SLC22A23: variants seen among roughly 807,000 people sequenced by gnomAD.
SLC22A23 encodes solute carrier family 22 member 23, also known as ion transporter protein.
In SLC22A23, 26 loss-of-function variants were observed where a neutral mutation model predicts 61.0. That is an observed-to-expected ratio of 0.43 (90% CI 0.31 to 0.59). The LOEUF is 0.59. Among genes scored for constraint, SLC22A23 ranks in the 20% least tolerant of loss-of-function variants. The pLI is 0.11. For missense variants in SLC22A23, 796 were observed against 934.7 expected (o/e 0.85, Z 1.94); for synonymous variants, 430 against 413.9 (o/e 1.04, Z -0.47).
At chr6:3,417,711 A>G (rs1405831950) in intron 1 of SLC22A23, among the ~76,000 whole-genome samples, 3 of 152,310 alleles carry the variant, frequency 2.0e-5, no homozygotes, top group Non-Finnish European at 4.4e-5. Context: ...ACTGGCCAAC[A>G]CTGCCCTGCC....
At chr6:3,347,973 A>G (rs1256788728) in intron 3 of SLC22A23, among the ~76,000 whole-genome samples, 1 of 152,124 alleles carries the variant, frequency 6.6e-6, no homozygotes, top group Non-Finnish European at 1.5e-5. Context: ...GTGATGTGTC[A>G]TCATGGAGGC....
intron 1 of SLC22A23, among the ~76,000 whole-genome samples, chr6:3,426,827 T>G (rs148389663): frequency 7.8e-4 from 119 of 152,354 alleles, no homozygotes; most frequent in African/African-American, 2.7e-3. Flanking sequence ...CCAAAGTTAC[T>G]CAACTATAGT....
At chr6:3,423,034 AT>A (rs35485498) in intron 1 of SLC22A23, among the ~76,000 whole-genome samples, 7,262 of 146,164 alleles carry the variant, frequency 0.05, 443 homozygotes, top group African/African-American at 0.15. Flanking sequence ...TTAAGCAACA[AT>A]TTTTTTTTTT....
chr6:3,418,098 A>C (rs1486463320), intron 1 of SLC22A23, among the ~76,000 whole-genome samples: 1 of 152,248 alleles, frequency 6.6e-6, no homozygotes, highest in South Asian at 2.1e-4. Flanking sequence ...CTGGGAGAGG[A>C]GGTGCTCTCA....
intron 3 of SLC22A23, among the ~76,000 whole-genome samples, chr6:3,392,038 C>T (rs72844621): frequency 6.6e-6 from 1 of 151,954 alleles, no homozygotes; most frequent in African/African-American, 2.4e-5. Flanking sequence ...GCTGTTAGAG[C>T]GTGTGGCAAA....
At chr6:3,280,471 T>TCA (rs70998387) in intron 9 of SLC22A23, among the ~76,000 whole-genome samples, 118,814 of 145,048 alleles carry the variant, frequency 0.82, 50,199 homozygotes, top group Non-Finnish European at 0.92. Context: ...TTTTCAGATG[T>TCA]GACATTTTTA....
In SLC22A23 at chr6:3,289,470, C is replaced by T. The variant is rs369265890; in HGVS notation, c.1313+294G>A. 2.7e-4 allele frequency among the ~76,000 whole-genome samples: 41 copies of T among 152,384 alleles called. No homozygotes were observed. In the South Asian group the frequency reaches 8.5e-3, roughly 32 times the overall value. On this transcript the variant is annotated intron_variant, in intron 6 of 9. Coordinates refer to ENST00000406686, the MANE Select transcript of SLC22A23 (RefSeq NM_015482.2). ...GAATTTCCAGCCTTGTGGCATCCCC[C>T]ACTGTGCCCCTGAGGAGGTGCGTCC...
rs888669302 is a variant in SLC22A23 at position 3,328,056 on chromosome 6, C to T, written c.914-4054G>A. On this transcript the variant is annotated intron_variant, in intron 3 of 9. Transcript: ENST00000406686. This position sits in a 1 kb window ranked among gnomAD's most constrained non-coding sequence, Gnocchi z 5.0. The stretch of plus-strand genomic sequence containing the variant: ...TGCCAAGTCGCTCATTGGTCTCATT[C>T]GACATGGTGAGATCCTGTCTCTAAA... Among the ~76,000 whole-genome samples, 13 of 151,858 alleles carry T rather than the reference C, an allele frequency of 8.6e-5. No homozygotes were observed. The highest frequency in any genetic ancestry group is 2.1e-4 in the South Asian group (1 of 4,808).
At chr6:3,284,663 G>A (rs1470045022) in intron 8 of SLC22A23, among the ~76,000 whole-genome samples, 1 of 152,208 alleles carries the variant, frequency 6.6e-6, no homozygotes, top group Non-Finnish European at 1.5e-5. Context: ...CCCATGGGCT[G>A]CAGGGCAGCA....
intron 1 of SLC22A23, 44 bp from the exon 2 acceptor site, chr6:3,415,899 C>A: frequency 4.3e-6 from 6 of 1,400,334 alleles, no homozygotes; most frequent in Non-Finnish European, 5.9e-6. Flanking sequence ...GAAACATACA[C>A]AGAGCTAGTC....
intron 1 of SLC22A23, among the ~76,000 whole-genome samples, chr6:3,452,324 G>A (rs984036952): frequency 1.3e-5 from 2 of 152,092 alleles, no homozygotes; most frequent in Non-Finnish European, 2.9e-5. Flanking sequence ...TCTGGCTGGT[G>A]GCTCACACCT....
intron 3 of SLC22A23, among the ~76,000 whole-genome samples, chr6:3,388,156 T>A (rs951777609): frequency 1.3e-5 from 2 of 152,190 alleles, no homozygotes; most frequent in Non-Finnish European, 2.9e-5. Context: ...AGGGGGTTCA[T>A]TCAACAAAGA....
rs773406395 is a variant in SLC22A23 at position 3,410,806 on chromosome 6, CAG to C, written c.759-466_759-465del. Among the ~76,000 whole-genome samples the C allele has an allele frequency of 7.2e-5, 11 of 152,300 alleles. No individual in the cohort carries two copies. The highest frequency in any genetic ancestry group is 1.3e-4 in the Non-Finnish European group (9 of 68,026). ...CCTCTCCCCAGGTTGTTAACTAAGT[CAG>C]ATACCTGATCCTACACACAGCCTAT... On this transcript the variant is annotated intron_variant, in intron 2 of 9. Transcript: ENST00000406686. This position sits in a 1 kb window ranked among gnomAD's most constrained non-coding sequence, Gnocchi z 5.0.
At position 3,297,400 on chromosome 6, in the gene SLC22A23, G is replaced by A. The variant is rs1761202853; in HGVS notation, c.1210+691C>T. Among the ~76,000 whole-genome samples, 1 of 152,170 alleles carries A rather than the reference G, an allele frequency of 6.6e-6. No individual in the cohort carries two copies. Among genetic ancestry groups the A allele is most frequent in the Non-Finnish European group, 1.5e-5 (1 of 68,036 alleles). ...ACCAGTGATCTTCAAACGGAAATCT[G>A]TATACCACTTGCATCAGAATCTCTT... On this transcript the variant is annotated intron_variant, in intron 5 of 9. Coordinates refer to ENST00000406686, the MANE Select transcript of SLC22A23 (RefSeq NM_015482.2). This position sits in a 1 kb window ranked among gnomAD's most constrained non-coding sequence, Gnocchi z 4.3.
intron 3 of SLC22A23, among the ~76,000 whole-genome samples, chr6:3,384,569 T>C (rs1405442622): frequency 6.6e-6 from 1 of 152,244 alleles, no homozygotes; most frequent in Non-Finnish European, 1.5e-5. Context: ...ACTTGAACCT[T>C]AATTACCAAA....
rs1438682919 is a variant in SLC22A23 at position 3,387,513 on chromosome 6, G to T, written c.913+22675C>A. On this transcript the variant is annotated intron_variant, in intron 3 of 9. Transcript: ENST00000406686. This position sits in a 1 kb window ranked among gnomAD's most constrained non-coding sequence, Gnocchi z 5.0. ...AATAGAGTGTTCTGGAACAGAAAAA[G>T]GACAGTAGAGAAAACACTGGTGAGA... Among the ~76,000 whole-genome samples, 1 of 152,236 alleles carries T rather than the reference G, an allele frequency of 6.6e-6. No individual in the cohort carries two copies. Among genetic ancestry groups the T allele is most frequent in the African/African-American group, 2.4e-5 (1 of 41,446 alleles).
At chr6:3,292,350 G>A (rs1760679411) in intron 5 of SLC22A23, among the ~76,000 whole-genome samples, 2 of 152,172 alleles carry the variant, frequency 1.3e-5, no homozygotes, top group African/African-American at 4.8e-5. Context: ...CTTTTTGTCT[G>A]TCCAGGTATC....
At position 3,304,652 on chromosome 6, in the gene SLC22A23, C is replaced by T. The variant is rs186286667; in HGVS notation, c.1083-6434G>A. Among the ~76,000 whole-genome samples the T allele has an allele frequency of 1.3e-5, 2 of 152,254 alleles. No homozygotes were observed. The highest frequency in any genetic ancestry group is 3.9e-4 in the East Asian group (2 of 5,162). On this transcript the variant is annotated intron_variant, in intron 4 of 9. Transcript: ENST00000406686. The surrounding 1 kb of genome is among the most constrained non-coding windows in gnomAD (Gnocchi z 4.3). ...GCGTGGGTTGTAGTGGGGGCAGTCC[C>T]AGGCAGGTGGTCCAGGGGCTGGTCA...
chr6:3,405,250 G>C (rs190300817), intron 3 of SLC22A23, among the ~76,000 whole-genome samples: 83 of 150,980 alleles, frequency 5.5e-4, no homozygotes, highest in Non-Finnish European at 8.3e-4. Context: ...GACAGTGCGA[G>C]ACTGTCTCAA....
Sources: gnomAD v4.1 joint callset for allele counts (sites outside exome capture counted in the v4.1 genomes callset) on GRCh38, gnomAD v4.1.1 for gene constraint, Gnocchi (gnomAD v3.1) non-coding constraint, MANE v1.5 for transcripts, NCBI Gene and HGNC (gene_info 2026-07-23, HGNC 2026-07-21) for gene names.